DMD: variants seen among roughly 807,000 people sequenced by gnomAD.
DMD encodes the protein dystrophin.
DMD carries 63 observed loss-of-function variants against 330.1 expected under a neutral mutation model. That is an observed-to-expected ratio of 0.19 (90% CI 0.16 to 0.24). DMD has a LOEUF of 0.24. Ranked by LOEUF, DMD falls within the 10% of genes least tolerant of loss-of-function variation. The pLI is 1.00. For synonymous variants in DMD, 1,223 were observed against 959.8 expected (o/e 1.27, Z -5.07); for missense variants, 3,344 against 2,684.1 (o/e 1.25, Z -5.43).
chrX:32,721,488 G>A (rs945421097), intron 7 of DMD, among the ~76,000 whole-genome samples: 2 of 108,309 alleles, frequency 1.8e-5, no homozygotes, highest in African/African-American at 6.8e-5. Context: ...CCTGTTGGCC[G>A]TTTGCACATC....
At chrX:32,377,177 T>A (rs928080292) in intron 34 of DMD, among the ~76,000 whole-genome samples, 1 of 111,697 alleles carries the variant, frequency 9.0e-6, no homozygotes, top group African/African-American at 3.3e-5. Flanking sequence ...CTCAGTATTA[T>A]CATTAACCAG....
At chrX:32,252,940 A>C (rs947893059) in intron 43 of DMD, among the ~76,000 whole-genome samples, 16 of 90,052 alleles carry the variant, frequency 1.8e-4, no homozygotes, top group African/African-American at 5.8e-4. Flanking sequence ...ATATATATAT[A>C]CATAAATATA....
At chrX:32,912,005 G>A (rs1192186485) in intron 2 of DMD, among the ~76,000 whole-genome samples, 1 of 94,353 alleles carries the variant, frequency 1.1e-5, no homozygotes, top group Admixed American at 1.2e-4. Flanking sequence ...GAAGGGAGAG[G>A]AGAGAAGAAG....
intron 1 of DMD, among the ~76,000 whole-genome samples, chrX:33,246,259 G>T (rs920878275): frequency 2.7e-5 from 3 of 111,926 alleles, no homozygotes; most frequent in Non-Finnish European, 5.6e-5. Context: ...TCTGGCCAGT[G>T]CAGAACACAC....
At chrX:31,900,922 T>C (rs1287206601) in intron 47 of DMD, among the ~76,000 whole-genome samples, 2 of 111,416 alleles carry the variant, frequency 1.8e-5, no homozygotes, top group African/African-American at 6.5e-5. Flanking sequence ...AAAACTTAAT[T>C]CTTAAAAATG....
chrX:32,309,995 G>T, intron 42 of DMD, 87 bp downstream of exon 42: 2 of 824,620 alleles, frequency 2.4e-6, no homozygotes, highest in Non-Finnish European at 3.6e-6. Context: ...CCATCATGAT[G>T]CATACAATTT....
At chrX:31,600,853 C>A (rs1340592833) in intron 55 of DMD, among the ~76,000 whole-genome samples, 5 of 106,650 alleles carry the variant, frequency 4.7e-5, no homozygotes, top group African/African-American at 1.7e-4. Context: ...CTCTCCCCAA[C>A]AACGGCTTCA....
chrX:31,378,158 A>G (rs900708721), intron 60 of DMD, among the ~76,000 whole-genome samples: 2 of 111,423 alleles, frequency 1.8e-5, no homozygotes, highest in African/African-American at 6.5e-5. Context: ...GTCTCTTCAC[A>G]CGGACGCGCA....
At chrX:32,619,022 G>A (rs969874098) in intron 11 of DMD, among the ~76,000 whole-genome samples, 1 of 111,279 alleles carries the variant, frequency 9.0e-6, no homozygotes, top group East Asian at 2.8e-4. Flanking sequence ...CATTTTTATT[G>A]CAGCACTATT....
chrX:32,563,184 C>T (rs917891617), intron 16 of DMD, among the ~76,000 whole-genome samples: 1 of 108,433 alleles, frequency 9.2e-6, no homozygotes, highest in Non-Finnish European at 1.9e-5. Context: ...ACTAAAATTA[C>T]AAAAAATTAG....
chrX:32,117,203 C>T (rs192387126), intron 44 of DMD, among the ~76,000 whole-genome samples: 1 of 110,878 alleles, frequency 9.0e-6, no homozygotes, highest in African/African-American at 3.3e-5. Flanking sequence ...TAAAAGGCAA[C>T]CACAGAGAGC....
At position 32,667,766 on chromosome X, in the gene DMD, T is replaced by A. The variant is rs775781894; in HGVS notation, c.961-22614A>T. ...AAGTTCTCACCATTCTCTGCTTTTG[T>A]GTTTTTTTTTTTTTTTTTTCCAGTT... On this transcript the variant is annotated intron_variant, in intron 9 of 78. Transcript: ENST00000357033. 8.5e-3 allele frequency among the ~76,000 whole-genome samples: 621 copies of A among 73,197 alleles called. 1 individual carries two copies. Among genetic ancestry groups the A allele is most frequent in the Non-Finnish European group, 0.013 (512 of 39,600 alleles). The allele number at this position is 73,197 out of a possible 115,157, so 63.6% of individuals were successfully genotyped here.
intron 9 of DMD, among the ~76,000 whole-genome samples, chrX:32,678,058 T>A: frequency 9.0e-6 from 1 of 111,673 alleles, no homozygotes; most frequent in Non-Finnish European, 1.9e-5. Context: ...ATTGCCAAAC[T>A]CAGAGAATCA....
chrX:32,321,434 T>C (rs2097614142), intron 41 of DMD, among the ~76,000 whole-genome samples: 1 of 110,891 alleles, frequency 9.0e-6, no homozygotes, highest in Non-Finnish European at 1.9e-5. Flanking sequence ...CAAGTATATA[T>C]GTGGAATGAT....
At chrX:31,735,910 G>A (rs184230025) in intron 51 of DMD, among the ~76,000 whole-genome samples, 4 of 112,030 alleles carry the variant, frequency 3.6e-5, no homozygotes, top group South Asian at 3.7e-4. Flanking sequence ...CTTCTTGAAC[G>A]TATAACTTGT....
chrX:32,543,491 G>A (rs777529229), intron 17 of DMD, among the ~76,000 whole-genome samples: 80 of 111,776 alleles, frequency 7.2e-4, no homozygotes, highest in Admixed American at 2.3e-3. Context: ...CTATTACTCT[G>A]TTTGGAGAAC....
chrX:31,659,477 A>G (rs2148623774), intron 53 of DMD, among the ~76,000 whole-genome samples: 1 of 108,076 alleles, frequency 9.3e-6, no homozygotes, highest in South Asian at 4.2e-4. Context: ...CGTCTCTACT[A>G]AAAATATAAA....
In DMD at chrX:32,981,698, C is replaced by T. The variant is rs867947475; in HGVS notation, c.93+38441G>A. Among the ~76,000 whole-genome samples the T allele has an allele frequency of 4.5e-5, 5 of 111,292 alleles. No homozygotes were observed. The Middle Eastern group carries it at 0.014, about 311-fold the overall frequency. On this transcript the variant is annotated intron_variant, in intron 2 of 78. Transcript: ENST00000357033. ...ATGTTTTGAAATACCATACTATTTA[C>T]TAAGAGCTATAAAATGTGATAGTAT...
At chrX:31,929,031 T>A (rs2094818900) in intron 47 of DMD, among the ~76,000 whole-genome samples, 1 of 112,156 alleles carries the variant, frequency 8.9e-6, no homozygotes, top group Non-Finnish European at 1.9e-5. Context: ...AATTCATATG[T>A]ACCACTTGCT....
Sources: allele counts gnomAD v4.1 joint callset (sites outside exome capture counted in the v4.1 genomes callset), GRCh38; gene constraint gnomAD v4.1.1; transcripts MANE v1.5; gene names NCBI Gene and HGNC (gene_info 2026-07-23, HGNC 2026-07-21).